Variants in SLC38A6 observed in about 807,000 individuals in gnomAD.
The protein encoded by SLC38A6 is N system amino acid transporter NAT-1.
SLC38A6 carries 73 observed loss-of-function variants against 65.0 expected under a neutral mutation model. The ratio of observed to expected loss-of-function variants is 1.12; its 90% CI spans 0.93 to 1.37. The LOEUF is 1.37. Ranked by LOEUF, SLC38A6 falls within the 40% of genes most tolerant of loss-of-function variation. The pLI is 0.00. For synonymous variants in SLC38A6, 183 were observed against 178.8 expected, an observed-to-expected ratio of 1.02 and a Z score of -0.19; for missense variants, 561 against 531.1, an observed-to-expected ratio of 1.06 and a Z score of -0.55.
In SLC38A6 at chr14:61,037,129, C is replaced by A; in HGVS notation, c.553C>A (p.Leu185Ile). The A allele has an allele frequency of 1.9e-6, 3 of 1,602,064 alleles. No individual in the cohort carries two copies. The highest frequency in any genetic ancestry group is 2.6e-6 in the Non-Finnish European group (3 of 1,173,792). The change falls in exon 7 of 16, where the codon CTT becomes ATT. Residue 185 changes from leucine to isoleucine, a missense_variant. Transcript: ENST00000267488. ...TGGCATTGTGTTCCCTCTTGCACTT[C>A]TTCCCAAAATAGGTAAGTCTTTATA... Reference protein sequence around the residue: ...CVGIVFPLALLPKIGFLGYTS... With the variant: ...CVGIVFPLALIPKIGFLGYTS...
intron 2 of SLC38A6, among the ~76,000 whole-genome samples, chr14:60,983,665 T>G (rs2037243642): frequency 6.6e-6 from 1 of 152,210 alleles, no homozygotes; most frequent in Non-Finnish European, 1.5e-5. Flanking sequence ...AATTTTTTGA[T>G]AAGCAAAGCA....
chr14:61,009,480 G>A (rs540865513), intron 3 of SLC38A6, among the ~76,000 whole-genome samples: 126 of 152,122 alleles, frequency 8.3e-4, no homozygotes, highest in African/African-American at 2.8e-3. Flanking sequence ...TTGGCGTGCC[G>A]CACCCATTAA....
chr14:61,072,887 A>G lies in SLC38A6; in HGVS notation c.1291-5923A>G, dbSNP rs964752788. Among the ~76,000 whole-genome samples the G allele has an allele frequency of 5.9e-5, 9 of 152,234 alleles. No individual in the cohort carries two copies. In the East Asian group the frequency reaches 1.5e-3, roughly 26 times the overall value. ...TATACCTATTTTCTTTCTTTTGGGT[A>G]TACACTCAGCAGTGGGATTGCTGGA... On this transcript the variant is annotated intron_variant, in intron 15 of 16. Transcript: ENST00000354886.
intron 3 of SLC38A6, among the ~76,000 whole-genome samples, chr14:61,013,148 T>G (rs2039710319): frequency 6.6e-6 from 1 of 152,356 alleles, no homozygotes; most frequent in East Asian, 1.9e-4. Flanking sequence ...ATGGCCTTCT[T>G]TGTCTCTTTT....
At chr14:61,035,880 T>C (rs1223819744) in intron 6 of SLC38A6, among the ~76,000 whole-genome samples, 5 of 152,204 alleles carry the variant, frequency 3.3e-5, no homozygotes, top group Admixed American at 3.3e-4. Flanking sequence ...CACATAAAAA[T>C]ATCTACTTTT....
At chr14:61,044,308 T>C (rs920227858) in intron 10 of SLC38A6, among the ~76,000 whole-genome samples, 1 of 152,208 alleles carries the variant, frequency 6.6e-6, no homozygotes, top group Admixed American at 6.5e-5. Flanking sequence ...TTATCTCTAG[T>C]TTTTAAATGA....
intron 5 of SLC38A6, among the ~76,000 whole-genome samples, chr14:61,026,849 T>G (rs1463533181): frequency 6.6e-6 from 1 of 152,086 alleles, no homozygotes; most frequent in Non-Finnish European, 1.5e-5. Context: ...GGAAATAACT[T>G]GTGTAGAATA....
chr14:60,993,809 A>G (rs554830532), intron 3 of SLC38A6, among the ~76,000 whole-genome samples: 2 of 152,346 alleles, frequency 1.3e-5, no homozygotes, highest in Non-Finnish European at 2.9e-5. Flanking sequence ...GTATCACCAG[A>G]TATTTCAGGA....
chr14:61,035,666 A>G lies in SLC38A6; in HGVS notation c.483-1393A>G, dbSNP rs558703395. 3.1e-4 allele frequency among the ~76,000 whole-genome samples: 47 copies of G among 152,240 alleles called. 1 individual carries two copies. Among genetic ancestry groups the G allele is most frequent in the Admixed American group, 5.2e-4 (8 of 15,294 alleles). ...GCCACATCCTTGAATATTTTTGTTT[A>G]CTAATTTTGCTAGATTAATTGAAAC... is the stretch of plus-strand genomic sequence containing the variant. On this transcript the variant is annotated intron_variant, in intron 6 of 15. Transcript: ENST00000267488.
At chr14:61,008,375 A>G (rs1383411661) in intron 3 of SLC38A6, among the ~76,000 whole-genome samples, 1 of 152,158 alleles carries the variant, frequency 6.6e-6, no homozygotes, top group South Asian at 2.1e-4. Context: ...ACATACATGT[A>G]GGTCTTTGAT....
intron 15 of SLC38A6, among the ~76,000 whole-genome samples, chr14:61,076,377 G>A (rs889562582): frequency 3.3e-5 from 5 of 152,266 alleles, no homozygotes; most frequent in South Asian, 2.1e-4. Context: ...CTGGCACTTC[G>A]GTGTATAGAC....
rs2037712790 is a variant in SLC38A6, at chr14:60,989,629, C to G, written c.310+4826C>G. On this transcript the variant is annotated intron_variant, in intron 3 of 15. Coordinates refer to ENST00000267488, the MANE Select transcript of SLC38A6 (RefSeq NM_153811.3). ...GTCCTAGCTACTGGGGCAGCTGAGG[C>G]AGGAGAATCACTTGAGCCAGGGAGG... 3.3e-5 allele frequency among the ~76,000 whole-genome samples: 5 copies of G among 152,258 alleles called. No homozygotes were observed. The South Asian group carries it at 1.0e-3, about 32-fold the overall frequency.
At chr14:61,038,477 A>G (rs989810301) in intron 8 of SLC38A6, among the ~76,000 whole-genome samples, 1 of 152,150 alleles carries the variant, frequency 6.6e-6, no homozygotes, top group Non-Finnish European at 1.5e-5. Flanking sequence ...TTAACTTTCC[A>G]AGAATATACA....
intron 3 of SLC38A6, among the ~76,000 whole-genome samples, chr14:61,000,106 T>G (rs2038600078): frequency 1.3e-5 from 2 of 152,318 alleles, no homozygotes; most frequent in Middle Eastern, 3.4e-3. Context: ...CAAAACAAAT[T>G]ATAGTCTTTT....
intron 3 of SLC38A6, among the ~76,000 whole-genome samples, chr14:60,996,530 T>C (rs955233119): frequency 9.2e-5 from 14 of 151,888 alleles, no homozygotes; most frequent in African/African-American, 3.1e-4. Flanking sequence ...ATAGAAATTC[T>C]GCAACAAGAA....
chr14:61,036,614 T>G (rs1221808947), intron 6 of SLC38A6, among the ~76,000 whole-genome samples: 1 of 152,150 alleles, frequency 6.6e-6, no homozygotes, highest in Non-Finnish European at 1.5e-5. Flanking sequence ...AAAATAAAAA[T>G]TTACAAAAAG....
At chr14:61,009,142 G>A (rs2039362969) in intron 3 of SLC38A6, among the ~76,000 whole-genome samples, 1 of 152,114 alleles carries the variant, frequency 6.6e-6, no homozygotes, top group Non-Finnish European at 1.5e-5. Flanking sequence ...TAAGGCAGGT[G>A]GATTAAACTG....
chr14:61,053,047 C>G (rs1041381848), downstream of SLC38A6: 1 of 152,066 alleles, frequency 6.6e-6, no homozygotes, highest in African/African-American at 2.4e-5. Flanking sequence ...CACCCTCTAC[C>G]CACCAGCCCC....
At chr14:61,054,840 A>G (rs2042651543), downstream of SLC38A6, among the ~76,000 whole-genome samples, 1 of 152,024 alleles carries the variant, frequency 6.6e-6, no homozygotes, top group African/African-American at 2.4e-5. Flanking sequence ...TCCTATTTGG[A>G]TGTCCTTTCT....
Sources: gnomAD v4.1 joint callset for allele counts (sites outside exome capture counted in the v4.1 genomes callset) on GRCh38, gnomAD v4.1.1 for gene constraint, MANE v1.5 for transcripts, NCBI Gene and HGNC (gene_info 2026-07-23, HGNC 2026-07-21) for gene names.